Variants in ANXA8 observed in about 807,000 individuals in gnomAD.
ANXA8 encodes VAC-beta.
A neutral mutation model predicts 26.8 loss-of-function variants in ANXA8; 9 were observed. The ratio of observed to expected loss-of-function variants is 0.34; its 90% CI spans 0.20 to 0.59. The LOEUF is 0.59. Among genes scored for constraint, ANXA8 ranks in the 20% least tolerant of loss-of-function variants. ANXA8 has a pLI of 0.84. For synonymous variants in ANXA8, 39 were observed against 94.8 expected (o/e 0.41, Z 3.42); for missense variants, 83 against 238.5 (o/e 0.35, Z 4.29).
chr10:47,649,639 C>T, the ANXA8 span, among the ~76,000 whole-genome samples: 1 of 151,544 alleles, frequency 6.6e-6, no homozygotes, highest in East Asian at 1.9e-4. Context: ...GAACTCCTGA[C>T]CTCGTGATCT....
the ANXA8 span, chr10:47,502,266 C>T: frequency 6.3e-7 from 1 of 1,598,054 alleles, no homozygotes; most frequent in Non-Finnish European, 8.5e-7. Flanking sequence ...AGCCGTCTCC[C>T]TCCCCACAGG....
the ANXA8 span, among the ~76,000 whole-genome samples, chr10:47,587,089 C>A: frequency 7.5e-5 from 11 of 147,104 alleles, no homozygotes; most frequent in Non-Finnish European, 5.9e-5. Context: ...CCTGTAGTCC[C>A]AGCTAATGGG....
chr10:47,744,440 G>GGGGGGGGC, the ANXA8 span, among the ~76,000 whole-genome samples: 1 of 36,480 alleles, frequency 2.7e-5, no homozygotes, highest in African/African-American at 1.2e-4. Flanking sequence ...GAGGGGGGAA[G>GGGGGGGGC]AGGGGGGGCC....
the ANXA8 span, among the ~76,000 whole-genome samples, chr10:47,675,627 A>G: frequency 6.6e-6 from 1 of 151,692 alleles, no homozygotes; most frequent in East Asian, 1.9e-4. Flanking sequence ...TAACAGAAAA[A>G]TTGTCATGTC....
the ANXA8 span, among the ~76,000 whole-genome samples, chr10:47,980,610 ATTAATAAT>A: frequency 6.6e-6 from 1 of 150,692 alleles, no homozygotes; most frequent in African/African-American, 2.4e-5. Flanking sequence ...AAATTATTAA[ATTAATAAT>A]GTTTAGAGAA....
the ANXA8 span, among the ~76,000 whole-genome samples, chr10:47,607,461 CA>C: frequency 6.6e-6 from 1 of 150,608 alleles, no homozygotes; most frequent in African/African-American, 2.5e-5. Flanking sequence ...AGTAAAATTA[CA>C]TTCTGTATGA....
At chr10:47,571,855 C>T in the ANXA8 span, among the ~76,000 whole-genome samples, 4 of 148,444 alleles carry the variant, frequency 2.7e-5, no homozygotes. Context: ...CCAGACTGGT[C>T]TCGAACTCCT....
chr10:47,744,070 A>G, the ANXA8 span, among the ~76,000 whole-genome samples: 1 of 147,860 alleles, frequency 6.8e-6, no homozygotes, highest in East Asian at 2.2e-4. Flanking sequence ...GAAGGAGCGG[A>G]GGGGGAAGGG....
chr10:47,741,767 C>T, the ANXA8 span, among the ~76,000 whole-genome samples: 1 of 150,840 alleles, frequency 6.6e-6, no homozygotes, highest in Non-Finnish European at 1.5e-5. Context: ...TCGAATTATA[C>T]ATTTTAAATG....
chr10:47,626,799 G>A, the ANXA8 span, among the ~76,000 whole-genome samples: 22 of 150,234 alleles, frequency 1.5e-4, no homozygotes, highest in South Asian at 8.3e-4. Flanking sequence ...CGCAAAGGAA[G>A]GTAATCAGAG....
At chr10:47,633,965 T>TA in the ANXA8 span, among the ~76,000 whole-genome samples, 2 of 134,354 alleles carry the variant, frequency 1.5e-5, no homozygotes, top group Admixed American at 7.2e-5. Context: ...GAATTCTTAG[T>TA]AAAAAATTAC....
At position 47,484,022 on chromosome 10, in the gene ANXA8, T is replaced by C; in HGVS notation, c.-89A>G. ...ACTCCACACGTCTGGCTCCTGCAGC[T>C]GAGGAGTGAGCAGGCCGCTCACTTG... On this transcript the variant is annotated 5_prime_UTR_variant, in exon 1 of 12. Coordinates refer to ENST00000585281, the MANE Select transcript of ANXA8 (RefSeq NM_001040084.3). 6.2e-7 allele frequency: 1 copy of C among 1,611,556 alleles called. No individual in the cohort carries two copies. Among genetic ancestry groups the C allele is most frequent in the East Asian group, 2.2e-5 (1 of 44,856 alleles).
the ANXA8 span, among the ~76,000 whole-genome samples, chr10:47,521,292 A>G: frequency 7.2e-6 from 1 of 139,204 alleles, no homozygotes; most frequent in Non-Finnish European, 1.5e-5. Context: ...CTTTCCAAAC[A>G]TCACCAAGCA....
chr10:47,943,607 G>A, the ANXA8 span, among the ~76,000 whole-genome samples: 38 of 151,348 alleles, frequency 2.5e-4, no homozygotes, highest in Middle Eastern at 3.4e-3. Context: ...GAGGCCTGCA[G>A]CACAGCTATG....
At chr10:47,495,289 A>ATTATTATTC in the ANXA8 span, among the ~76,000 whole-genome samples, 6 of 100,560 alleles carry the variant, frequency 6.0e-5, no homozygotes, top group African/African-American at 2.1e-4. Flanking sequence ...TATTATTATT[A>ATTATTATTC]TTATTATTAT....
the ANXA8 span, chr10:47,762,767 C>T: frequency 3.3e-6 from 4 of 1,194,792 alleles, no homozygotes; most frequent in Non-Finnish European, 4.2e-6. Context: ...TGCTGGTGCC[C>T]AGCTGCGGCG....
the ANXA8 span, among the ~76,000 whole-genome samples, chr10:47,974,005 G>A: frequency 6.6e-6 from 1 of 150,756 alleles, no homozygotes; most frequent in African/African-American, 2.4e-5. Context: ...TTGGGAGATT[G>A]TATGTTCCCA....
chr10:47,577,480 A>G, the ANXA8 span, among the ~76,000 whole-genome samples: 1 of 147,964 alleles, frequency 6.8e-6, no homozygotes, highest in African/African-American at 2.6e-5. Context: ...ACTAGCCTGG[A>G]CAACATAGTG....
chr10:47,944,286 C>T, the ANXA8 span, among the ~76,000 whole-genome samples: 1 of 147,874 alleles, frequency 6.8e-6, no homozygotes, highest in South Asian at 2.1e-4. Flanking sequence ...CTCCTAATAG[C>T]ATCACCTTGA....
Sources: allele counts gnomAD v4.1 joint callset (sites outside exome capture counted in the v4.1 genomes callset), GRCh38; gene constraint gnomAD v4.1.1; transcripts MANE v1.5; gene names NCBI Gene and HGNC (gene_info 2026-07-23, HGNC 2026-07-21).